PPM1E: variants seen among roughly 807,000 people sequenced by gnomAD.
The protein encoded by PPM1E is protein phosphatase, Mg2+/Mn2+ dependent 1E, also known as protein phosphatase 1E.
Under a neutral mutation model 65.9 loss-of-function variants are expected in PPM1E, and 20 were observed. That is an observed-to-expected ratio of 0.30 (90% CI 0.21 to 0.44). The LOEUF is 0.44. Among genes scored for constraint, PPM1E ranks in the 20% least tolerant of loss-of-function variants. The pLI is 1.00. For synonymous variants in PPM1E, 352 were observed against 374.9 expected, an observed-to-expected ratio of 0.94 and a Z score of 0.70; for missense variants, 713 against 953.1, an observed-to-expected ratio of 0.75 and a Z score of 3.32.
At chr17:58,922,635 A>G (rs943167845) in intron 1 of PPM1E, among the ~76,000 whole-genome samples, 1 of 147,958 alleles carries the variant, frequency 6.8e-6, no homozygotes. Flanking sequence ...TTTTATTATT[A>G]TTTCTAGGTT....
At chr17:58,966,037 A>C in intron 3 of PPM1E, 144 bp downstream of exon 3, 1 of 796,124 alleles carries the variant, frequency 1.3e-6, no homozygotes, top group South Asian at 1.8e-5. Context: ...AGTGGCACAA[A>C]TTTGCAACAG....
intron 1 of PPM1E, among the ~76,000 whole-genome samples, chr17:58,841,366 C>T (rs1017576239): frequency 2.6e-5 from 4 of 152,072 alleles, no homozygotes; most frequent in Non-Finnish European, 5.9e-5. Flanking sequence ...ACAAACACAC[C>T]TTCAAGCCAA....
intron 1 of PPM1E, among the ~76,000 whole-genome samples, chr17:58,864,970 T>A (rs2050984241): frequency 6.6e-6 from 1 of 152,048 alleles, no homozygotes; most frequent in African/African-American, 2.4e-5. Flanking sequence ...TCTAGCATGA[T>A]CTGCAAAATA....
At chr17:58,875,274 T>C (rs943292347) in intron 1 of PPM1E, among the ~76,000 whole-genome samples, 1 of 152,174 alleles carries the variant, frequency 6.6e-6, no homozygotes, top group Non-Finnish European at 1.5e-5. Flanking sequence ...TCTAGGTCTC[T>C]CAAGGAAGGA....
intron 1 of PPM1E, among the ~76,000 whole-genome samples, chr17:58,872,028 TGGCTCAC>T (rs2051076575): frequency 6.6e-6 from 1 of 152,220 alleles, no homozygotes; most frequent in Non-Finnish European, 1.5e-5. Flanking sequence ...CTGGGCGTGG[TGGCTCAC>T]GCCTGTAATC....
At chr17:58,885,627 C>T (rs1271790864) in intron 1 of PPM1E, among the ~76,000 whole-genome samples, 2 of 152,108 alleles carry the variant, frequency 1.3e-5, no homozygotes, top group Non-Finnish European at 2.9e-5. Flanking sequence ...AATTTCTCGC[C>T]TGGGCAATAA....
At chr17:58,967,349 T>G (rs1305582158) in intron 3 of PPM1E, among the ~76,000 whole-genome samples, 2 of 152,104 alleles carry the variant, frequency 1.3e-5, no homozygotes, top group East Asian at 3.9e-4. Context: ...ATGATAACTA[T>G]GATATGCTCA....
At chr17:58,786,229 T>C (rs1234422757) in intron 1 of PPM1E, among the ~76,000 whole-genome samples, 2 of 151,992 alleles carry the variant, frequency 1.3e-5, no homozygotes, top group African/African-American at 4.8e-5. Flanking sequence ...TTAGCCAGGA[T>C]GGTCTCCGTC....
chr17:58,866,607 ATTGTAAATGCTG>A (rs2051006925), intron 1 of PPM1E, among the ~76,000 whole-genome samples: 1 of 152,164 alleles, frequency 6.6e-6, no homozygotes, highest in Non-Finnish European at 1.5e-5. Context: ...AAATGCTGTC[ATTGTAAATGCTG>A]TCAACTACCT....
intron 1 of PPM1E, among the ~76,000 whole-genome samples, chr17:58,943,315 C>CA (rs905393149): frequency 5.3e-4 from 81 of 151,752 alleles, no homozygotes; most frequent in African/African-American, 1.4e-3. Context: ...AACAAAACAA[C>CA]AAAAAAAACA....
At chr17:58,836,215 A>T (rs2050654473) in intron 1 of PPM1E, among the ~76,000 whole-genome samples, 1 of 152,138 alleles carries the variant, frequency 6.6e-6, no homozygotes, top group South Asian at 2.1e-4. Context: ...CTCAAAAGTG[A>T]CAAGACTACT....
At chr17:58,947,468 C>T (rs1194339256) in intron 1 of PPM1E, among the ~76,000 whole-genome samples, 2 of 150,686 alleles carry the variant, frequency 1.3e-5, no homozygotes, top group African/African-American at 2.4e-5. Context: ...AATTCCTGGT[C>T]TCAGGTGATC....
chr17:58,882,547 C>G (rs551437233), intron 1 of PPM1E, among the ~76,000 whole-genome samples: 4 of 151,986 alleles, frequency 2.6e-5, no homozygotes, highest in Admixed American at 2.6e-4. Flanking sequence ...CGTGCCACCA[C>G]GCCTGGCTAA....
chr17:58,937,084 CAGG>C (rs1447714911), intron 1 of PPM1E, among the ~76,000 whole-genome samples: 4 of 148,698 alleles, frequency 2.7e-5, no homozygotes, highest in African/African-American at 9.9e-5. Flanking sequence ...ATCATGAGGT[CAGG>C]AGATCGAGAC....
At chr17:58,973,979 A>T (rs1344861833) in intron 6 of PPM1E, among the ~76,000 whole-genome samples, 2 of 125,050 alleles carry the variant, frequency 1.6e-5, no homozygotes, top group Non-Finnish European at 3.4e-5. Flanking sequence ...AAAAAAAAAA[A>T]ATTGCTGGGC....
intron 1 of PPM1E, among the ~76,000 whole-genome samples, chr17:58,892,855 T>C (rs901065001): frequency 2.6e-4 from 40 of 152,102 alleles, no homozygotes; most frequent in African/African-American, 8.9e-4. Flanking sequence ...AATAAACATA[T>C]GAAAAAATGC....
chr17:58,938,830 C>A (rs1037844992), intron 1 of PPM1E, among the ~76,000 whole-genome samples: 1 of 145,900 alleles, frequency 6.9e-6, no homozygotes, highest in Non-Finnish European at 1.5e-5. Flanking sequence ...CTCTTGTTGC[C>A]TAGGCTGGAG....
At position 58,959,667 on chromosome 17, in the gene PPM1E, T is replaced by TA. The variant is rs76110788; in HGVS notation, c.583+3918dup. Among the ~76,000 whole-genome samples, 597 of 115,200 alleles carry TA rather than the reference T, an allele frequency of 5.2e-3. 5 individuals carry two copies. Among genetic ancestry groups the TA allele is most frequent in the African/African-American group, 0.012 (377 of 31,160 alleles). The allele number at this position is 115,200 out of a possible 152,430, so 75.6% of individuals were successfully genotyped here. On this transcript the variant is annotated intron_variant, in intron 2 of 6. Transcript: ENST00000308249. ...CAGGCGTGAGCCACTGCACCCAGCC[T>TA]AAAAAAAAAAAAAAAAAATCTTAAG...
chr17:58,983,631 T>G lies in PPM1E; in HGVS notation c.*2600T>G, dbSNP rs1320620986. 6.6e-6 allele frequency: 1 copy of G among 152,616 alleles called. No homozygotes were observed. Among genetic ancestry groups the G allele is most frequent in the Non-Finnish European group, 1.5e-5 (1 of 68,026 alleles). The allele number at this position is 152,616 out of a possible 1,614,324, so 9.5% of individuals were successfully genotyped here. ...AAAATATTAGACAGATATAAAAGTA[T>G]CTATATAATATCTATAAACTGTTAA... On this transcript the variant is annotated 3_prime_UTR_variant, in exon 7 of 7. Coordinates refer to ENST00000308249, the MANE Select transcript of PPM1E (RefSeq NM_014906.5).
Sources: gnomAD v4.1 joint callset for allele counts (sites outside exome capture counted in the v4.1 genomes callset) on GRCh38, gnomAD v4.1.1 for gene constraint, MANE v1.5 for transcripts, NCBI Gene and HGNC (gene_info 2026-07-23, HGNC 2026-07-21) for gene names.